Variants in RAPGEF2 observed in about 807,000 individuals in gnomAD.
RAPGEF2 encodes PDZ domain containing guanine nucleotide exchange factor (GEF) 1.
RAPGEF2 carries 54 observed loss-of-function variants against 186.7 expected under a neutral mutation model. The ratio of observed to expected loss-of-function variants is 0.29; its 90% CI spans 0.23 to 0.36. The LOEUF (loss-of-function observed/expected upper bound fraction) is 0.36. Ranked by LOEUF, RAPGEF2 falls within the 10% of genes least tolerant of loss-of-function variation. RAPGEF2 has a pLI of 1.00. For missense variants in RAPGEF2, 1,532 were observed against 2,045.0 expected (o/e 0.75, Z 4.84); for synonymous variants, 712 against 705.9 (o/e 1.01, Z -0.14).
Position 159,350,074 on chromosome 4 carries a change from A to G in RAPGEF2, c.3713-63A>G. On this transcript the variant is annotated intron_variant, in intron 25 of 29. Transcript: ENST00000691494. ...CTTAACACAAAAAAGTTTTTTATTCATAAATGGTGTTTATTTTCAGACTTG... is the reference window on the plus strand; with the variant it reads ...CTTAACACAAAAAAGTTTTTTATTCGTAAATGGTGTTTATTTTCAGACTTG... 4 of 1,219,122 alleles carry G rather than the reference A, an allele frequency of 3.3e-6. No homozygotes were observed. In the African/African-American group the frequency reaches 6.2e-5, roughly 19 times the overall value. 75.5% of individuals were successfully genotyped at this position (1,219,122 alleles called of 1,614,324 possible).
At chr4:159,198,869 CAGG>C (rs1749094045) in intron 3 of RAPGEF2, among the ~76,000 whole-genome samples, 1 of 151,370 alleles carries the variant, frequency 6.6e-6, no homozygotes, top group African/African-American at 2.4e-5. Flanking sequence ...CAGTTGAGGC[CAGG>C]AGTTCGAGAC....
At chr4:159,238,665 TA>T in intron 4 of RAPGEF2, 143 bp from the exon 5 acceptor site, 2 of 492,890 alleles carry the variant, frequency 4.1e-6, no homozygotes, top group South Asian at 1.0e-4. Context: ...TGTAAATTAT[TA>T]AAGATAATTC....
chr4:159,341,485 A>G (rs946365370), intron 19 of RAPGEF2, 79 bp from the exon 20 acceptor site: 1 of 1,422,178 alleles, frequency 7.0e-7, no homozygotes, highest in Non-Finnish European at 9.5e-7. Context: ...CTTTCCATAA[A>G]AAGTAGCATT....
chr4:159,324,326 C>A (rs1424059665), intron 11 of RAPGEF2, among the ~76,000 whole-genome samples: 1 of 152,122 alleles, frequency 6.6e-6, no homozygotes, highest in Non-Finnish European at 1.5e-5. Context: ...CCATGCCTGG[C>A]ACCAATAGGA....
chr4:159,243,536 A>C (rs2111484132), intron 6 of RAPGEF2, among the ~76,000 whole-genome samples: 1 of 152,094 alleles, frequency 6.6e-6, no homozygotes, highest in Non-Finnish European at 1.5e-5. Flanking sequence ...TGAGGGTGAA[A>C]AGTTTATTTA....
chr4:159,171,315 A>T (rs941234041), intron 1 of RAPGEF2, among the ~76,000 whole-genome samples: 5 of 152,212 alleles, frequency 3.3e-5, no homozygotes, highest in African/African-American at 1.2e-4. Context: ...GTGTTCATAA[A>T]AGAAAGTGCC....
intron 1 of RAPGEF2, among the ~76,000 whole-genome samples, chr4:159,143,102 T>C (rs1742524084): frequency 6.6e-6 from 1 of 152,190 alleles, no homozygotes; most frequent in African/African-American, 2.4e-5. Context: ...CTGGGCTTGG[T>C]GGCATGCACC....
intron 7 of RAPGEF2, among the ~76,000 whole-genome samples, chr4:159,251,827 G>T (rs1482016680): frequency 6.6e-6 from 1 of 151,820 alleles, no homozygotes; most frequent in East Asian, 1.9e-4. Context: ...GTCAGATAAG[G>T]GAATAAACAG....
chr4:159,169,298 CTT>C (rs1338726518), intron 1 of RAPGEF2, among the ~76,000 whole-genome samples: 1 of 152,064 alleles, frequency 6.6e-6, no homozygotes, highest in Non-Finnish European at 1.5e-5. Flanking sequence ...CTGCTGTTCT[CTT>C]GTTTTTAAAA....
In RAPGEF2 at chr4:159,166,313, C is replaced by CA. The variant is rs963015319; in HGVS notation, c.70-20319dup. Among the ~76,000 whole-genome samples, 114 of 147,918 alleles carry CA rather than the reference C, an allele frequency of 7.7e-4. 1 individual carries two copies. Among genetic ancestry groups the CA allele is most frequent in the Middle Eastern group, 3.5e-3 (1 of 286 alleles). Reference sequence around the variant, plus strand: ...TGGGCAACAGAGCAAGACTCCATCTCAAAAAAAAAATGTAAGGAAAAGGGC... The same window carrying CA: ...TGGGCAACAGAGCAAGACTCCATCTCAAAAAAAAAAATGTAAGGAAAAGGGC... On this transcript the variant is annotated intron_variant, in intron 1 of 29. Transcript: ENST00000691494.
At chr4:159,165,960 T>C (rs1654151946) in intron 1 of RAPGEF2, among the ~76,000 whole-genome samples, 1 of 152,080 alleles carries the variant, frequency 6.6e-6, no homozygotes, top group Admixed American at 6.6e-5. Flanking sequence ...TTTTAAAAAG[T>C]CATTGAACAA....
At chr4:159,211,768 C>A (rs1464591865) in intron 4 of RAPGEF2, among the ~76,000 whole-genome samples, 1 of 152,136 alleles carries the variant, frequency 6.6e-6, no homozygotes, top group Non-Finnish European at 1.5e-5. Context: ...TGCCTCTTTG[C>A]CCTTCTACTT....
At chr4:159,172,850 T>C (rs1746057058) in intron 1 of RAPGEF2, among the ~76,000 whole-genome samples, 1 of 152,180 alleles carries the variant, frequency 6.6e-6, no homozygotes, top group Admixed American at 6.5e-5. Flanking sequence ...TGATTCTTCT[T>C]TGAAATTCAG....
chr4:159,151,739 G>A (rs1040586193), intron 1 of RAPGEF2, among the ~76,000 whole-genome samples: 4 of 152,128 alleles, frequency 2.6e-5, no homozygotes, highest in African/African-American at 9.7e-5. Flanking sequence ...TTACTTTGTG[G>A]CTTTTTGTGT....
chr4:159,165,393 A>C (rs1745195973), intron 1 of RAPGEF2, among the ~76,000 whole-genome samples: 1 of 152,220 alleles, frequency 6.6e-6, no homozygotes. Flanking sequence ...ACTTGGAGGA[A>C]ATCATTCAGA....
At chr4:159,300,906 A>G (rs1319136091) in intron 7 of RAPGEF2, among the ~76,000 whole-genome samples, 1 of 152,088 alleles carries the variant, frequency 6.6e-6, no homozygotes, top group Non-Finnish European at 1.5e-5. Context: ...CAACCCCTAC[A>G]TGGTTTGTTT....
intron 1 of RAPGEF2, among the ~76,000 whole-genome samples, chr4:159,136,952 T>G (rs1349204882): frequency 6.6e-6 from 1 of 152,190 alleles, no homozygotes; most frequent in Non-Finnish European, 1.5e-5. Context: ...GATCCTAGGC[T>G]TCCTGTCCTT....
At chr4:159,315,202 A>G (rs1278905626) in intron 9 of RAPGEF2, among the ~76,000 whole-genome samples, 1 of 152,094 alleles carries the variant, frequency 6.6e-6, no homozygotes, top group East Asian at 1.9e-4. Flanking sequence ...TGAAGACGCA[A>G]GTGGGTGGAA....
At position 159,353,423 on chromosome 4, in the gene RAPGEF2, A is replaced by G. The variant is rs1731483030; in HGVS notation, c.4092-64A>G. On this transcript the variant is annotated intron_variant, in intron 27 of 29. Transcript: ENST00000691494. This position sits in a 1 kb window ranked among gnomAD's most constrained non-coding sequence, Gnocchi z 4.3. ...CTAGGAAAAAGGGTATTTTGGTTTT[A>G]TCATAGGTGAATTAGTTATCAATCT... 7.5e-7 allele frequency: 1 copy of G among 1,324,604 alleles called. No homozygotes were observed. The highest frequency in any genetic ancestry group is 1.0e-6 in the Non-Finnish European group (1 of 999,288). 82.1% of individuals were successfully genotyped at this position (1,324,604 alleles called of 1,614,324 possible).
Sources: gnomAD v4.1 joint callset for allele counts (sites outside exome capture counted in the v4.1 genomes callset) on GRCh38, gnomAD v4.1.1 for gene constraint, Gnocchi (gnomAD v3.1) non-coding constraint, MANE v1.5 for transcripts, NCBI Gene and HGNC (gene_info 2026-07-23, HGNC 2026-07-21) for gene names.